Variants in ADAM32 observed in about 807,000 individuals in gnomAD.
ADAM32 encodes the protein ADAM metallopeptidase domain 32.
A neutral mutation model predicts 114.9 loss-of-function variants in ADAM32; 89 were observed. The observed-to-expected ratio is 0.77, with a 90% CI of 0.65 to 0.92. The LOEUF (loss-of-function observed/expected upper bound fraction) is 0.92. ADAM32 is among the 40% of genes least tolerant of loss of function. The pLI is 0.00. For synonymous variants in ADAM32, 285 were observed against 307.5 expected, an observed-to-expected ratio of 0.93 and a Z score of 0.77; for missense variants, 870 against 932.8, an observed-to-expected ratio of 0.93 and a Z score of 0.88.
intron 19 of ADAM32, among the ~76,000 whole-genome samples, chr8:39,268,225 A>G (rs1812489540): frequency 6.6e-6 from 1 of 152,128 alleles, no homozygotes. Context: ...AGTGTATGAG[A>G]GTTGTAGTTT....
intron 16 of ADAM32, among the ~76,000 whole-genome samples, chr8:39,241,688 C>T (rs1483885054): frequency 1.3e-5 from 2 of 152,252 alleles, no homozygotes; most frequent in Admixed American, 1.3e-4. Context: ...AAACTGCACA[C>T]AGCAGAGGGA....
At chr8:39,246,890 T>G (rs10104527) in intron 17 of ADAM32, among the ~76,000 whole-genome samples, 77,795 of 152,046 alleles carry the variant, frequency 0.51, 21,821 homozygotes, top group African/African-American at 0.76. Context: ...GGCAACCACT[T>G]ATCTTATTAC....
intron 16 of ADAM32, among the ~76,000 whole-genome samples, chr8:39,242,317 A>C (rs2129449876): frequency 6.6e-6 from 1 of 152,314 alleles, no homozygotes; most frequent in Admixed American, 6.5e-5. Flanking sequence ...CCAGTTCCAA[A>C]GTCACTTTCA....
intron 17 of ADAM32, among the ~76,000 whole-genome samples, chr8:39,249,077 T>A (rs1811121536): frequency 1.3e-5 from 2 of 151,976 alleles, no homozygotes; most frequent in African/African-American, 4.8e-5. Context: ...ATAATTTTTT[T>A]GTATTTTTAG....
chr8:39,245,955 G>A, intron 16 of ADAM32, 128 bp from the exon 17 acceptor site: 1 of 706,186 alleles, frequency 1.4e-6, no homozygotes, highest in Non-Finnish European at 2.4e-6. Flanking sequence ...TGCAGCAAAA[G>A]CAGTACTTAG....
At chr8:39,236,621 A>G (rs559073724) in intron 16 of ADAM32, among the ~76,000 whole-genome samples, 23 of 152,302 alleles carry the variant, frequency 1.5e-4, no homozygotes, top group African/African-American at 5.5e-4. Context: ...AACCTACATC[A>G]GCGTGGTACA....
chr8:39,207,811 G>A (rs1270826195), intron 11 of ADAM32, among the ~76,000 whole-genome samples: 1 of 152,168 alleles, frequency 6.6e-6, no homozygotes, highest in Non-Finnish European at 1.5e-5. Flanking sequence ...TCACACGTGA[G>A]TGTGATCATG....
chr8:39,192,981 T>C (rs990965686), intron 11 of ADAM32, among the ~76,000 whole-genome samples: 2 of 152,200 alleles, frequency 1.3e-5, no homozygotes, highest in Admixed American at 6.5e-5. Context: ...GAGAATGTGA[T>C]GACTATGTGT....
chr8:39,148,734 T>A (rs1416961963), intron 4 of ADAM32, among the ~76,000 whole-genome samples: 1 of 152,188 alleles, frequency 6.6e-6, no homozygotes, highest in East Asian at 1.9e-4. Flanking sequence ...GGGATCATCA[T>A]TTTGCTTTAT....
At chr8:39,158,252 T>C (rs1372684424) in intron 6 of ADAM32, 2 of 26,758 alleles carry the variant, frequency 7.5e-5, no homozygotes, top group Non-Finnish European at 1.2e-4. Context: ...AAGCATGCTG[T>C]TGAAGTCCTT....
chr8:39,192,118 G>T (rs1293178742), intron 11 of ADAM32, among the ~76,000 whole-genome samples: 1 of 152,156 alleles, frequency 6.6e-6, no homozygotes, highest in Non-Finnish European at 1.5e-5. Context: ...AGTCTTAGGA[G>T]ATTGTATGTG....
At chr8:39,172,980 C>T (rs1238666053) in intron 10 of ADAM32, among the ~76,000 whole-genome samples, 1 of 152,170 alleles carries the variant, frequency 6.6e-6, no homozygotes, top group African/African-American at 2.4e-5. Flanking sequence ...ATGTTCCAGG[C>T]CGGCCGCAGT....
chr8:39,142,235 T>C lies in ADAM32; in HGVS notation c.201-4895T>C, dbSNP rs1585388859. Among the ~76,000 whole-genome samples, 4 of 152,332 alleles carry C rather than the reference T, an allele frequency of 2.6e-5. No individual in the cohort carries two copies. In the South Asian group the frequency reaches 8.3e-4, roughly 32 times the overall value. ...TTAATATTGTTATGTGTGAATTTGATCCTGTCATTATGATGTTAGCTGGTT... is the reference window on the plus strand; with the variant it reads ...TTAATATTGTTATGTGTGAATTTGACCCTGTCATTATGATGTTAGCTGGTT... On this transcript the variant is annotated intron_variant, in intron 3 of 24. Transcript: ENST00000379907.
rs1398163208 is a variant in ADAM32, at chr8:39,173,607, T to TA, written c.915+3612dup. On this transcript the variant is annotated intron_variant, in intron 10 of 24. Transcript: ENST00000379907. ...ATTGCAAAAATTTTCTCCCCCTCTGTAAGTTGTCTATTCACTCAGATGATA... is the reference window on the plus strand; with the variant it reads ...ATTGCAAAAATTTTCTCCCCCTCTGTAAAGTTGTCTATTCACTCAGATGATA... Among the ~76,000 whole-genome samples, 4 of 152,180 alleles carry TA rather than the reference T, an allele frequency of 2.6e-5. No homozygotes were observed. The East Asian group carries it at 7.7e-4, about 29-fold the overall frequency.
intron 19 of ADAM32, among the ~76,000 whole-genome samples, chr8:39,268,749 A>T (rs1241208815): frequency 6.6e-6 from 1 of 152,222 alleles, no homozygotes; most frequent in Non-Finnish European, 1.5e-5. Flanking sequence ...TCTATATCTA[A>T]TTTGAATTTT....
Position 39,246,181 on chromosome 8 carries a change from G to A in ADAM32, c.1902+15G>A, listed in dbSNP as rs1810905818. ...CTGGACATGGAGTAAGTAACCACAT[G>A]TTTCCCTGAATCACATTTCTTGGAC... On this transcript the variant is annotated intron_variant, in intron 17 of 24. Coordinates refer to ENST00000379907, the MANE Select transcript of ADAM32 (RefSeq NM_145004.7). The A allele has an allele frequency of 6.2e-7, 1 of 1,603,856 alleles. No individual in the cohort carries two copies.
At chr8:39,109,175 G>A (rs961511278) in intron 1 of ADAM32, among the ~76,000 whole-genome samples, 2 of 152,222 alleles carry the variant, frequency 1.3e-5, no homozygotes, top group Admixed American at 6.5e-5. Context: ...TTTTGTTTAT[G>A]TGGATTTATA....
At chr8:39,135,945 A>G (rs563830883) in intron 2 of ADAM32, among the ~76,000 whole-genome samples, 6 of 152,158 alleles carry the variant, frequency 3.9e-5, no homozygotes, top group African/African-American at 1.2e-4. Flanking sequence ...TTTGATCTGT[A>G]TGGTACCCTG....
chr8:39,130,206 A>T (rs528702059), intron 2 of ADAM32: 1 of 154,336 alleles, frequency 6.5e-6, no homozygotes, highest in South Asian at 2.0e-4. Flanking sequence ...CTGCCTGCCT[A>T]CATTTTCTTA....
Sources: allele counts gnomAD v4.1 joint callset (sites outside exome capture counted in the v4.1 genomes callset), GRCh38; gene constraint gnomAD v4.1.1; transcripts MANE v1.5; gene names NCBI Gene and HGNC (gene_info 2026-07-23, HGNC 2026-07-21).